The following TICRR variants were observed in gnomAD, a reference collection of about 807,000 sequenced individuals.
TICRR encodes TOPBP1 interacting checkpoint and replication regulator.
A neutral mutation model predicts 178.1 loss-of-function variants in TICRR; 132 were observed. That is an observed-to-expected ratio of 0.74 (90% CI 0.64 to 0.86). TICRR has a LOEUF of 0.86. TICRR is among the 40% of genes least tolerant of loss of function. The pLI is 0.00. For synonymous variants in TICRR, 991 were observed against 900.7 expected (o/e 1.10, Z -1.79); for missense variants, 2,587 against 2,334.3 (o/e 1.11, Z -2.23).
intron 5 of TICRR, among the ~76,000 whole-genome samples, chr15:89,593,354 T>C (rs146363223): frequency 1.1e-4 from 16 of 152,338 alleles, no homozygotes; most frequent in Middle Eastern, 3.4e-3. Flanking sequence ...AAATTATCTC[T>C]AAGTATTTTT....
At chr15:89,619,521 T>G (rs1412559184) in intron 17 of TICRR, among the ~76,000 whole-genome samples, 187 bp from the exon 18 acceptor site, 1 of 152,158 alleles carries the variant, frequency 6.6e-6, no homozygotes, top group African/African-American at 2.4e-5. Flanking sequence ...TAATACCTTG[T>G]TGGGACCATG....
rs376701361 is a variant in TICRR, at chr15:89,593,638, G to A, written c.1542-777G>A. 2.8e-4 allele frequency among the ~76,000 whole-genome samples: 42 copies of A among 152,282 alleles called. No individual in the cohort carries two copies. In the East Asian group the frequency reaches 7.1e-3, roughly 26 times the overall value. On this transcript the variant is annotated intron_variant, in intron 5 of 21. Transcript: ENST00000268138. ...CAAGATTCACTTGAATCCAGGACGC[G>A]GAGGTTGCAGCCAGCCAAGATCGCG...
Position 89,575,728 on chromosome 15 carries a change from A to C in TICRR, c.142A>C (p.Lys48Gln). 1 of 1,610,090 alleles carries C rather than the reference A, an allele frequency of 6.2e-7. No individual in the cohort carries two copies. ...CCTGGCCAGGGTCCACTGGGCCTTC[A>C]AGTTCTTTGACTCGCAGGGGGCGCG... ...FGLARVHWAF[K>Q]FFDSQGARSR... Residue 48 changes from lysine to glutamine, a missense_variant, in exon 1 of 22, where the codon AAG becomes CAG. Coordinates refer to ENST00000268138, the MANE Select transcript of TICRR (RefSeq NM_152259.4).
intron 4 of TICRR, among the ~76,000 whole-genome samples, chr15:89,589,450 T>C (rs942428887): frequency 1.3e-5 from 2 of 152,104 alleles, no homozygotes; most frequent in Non-Finnish European, 2.9e-5. Context: ...GAGGGTGGCC[T>C]TGTTTTTAGC....
intron 15 of TICRR, among the ~76,000 whole-genome samples, chr15:89,610,556 A>G (rs1963241362): frequency 6.6e-6 from 1 of 152,108 alleles, no homozygotes. Flanking sequence ...GATATCTTTC[A>G]TTGTCCTTTT....
At chr15:89,582,078 C>T (rs1596038770) in intron 1 of TICRR, 2 of 152,702 alleles carry the variant, frequency 1.3e-5, no homozygotes, top group East Asian at 3.8e-4. Context: ...AGTCCTAGAA[C>T]TTTGGGAGGC....
At chr15:89,578,353 C>T (rs1459735943) in intron 1 of TICRR, among the ~76,000 whole-genome samples, 1 of 151,936 alleles carries the variant, frequency 6.6e-6, no homozygotes, top group African/African-American at 2.4e-5. Context: ...CCAAAAAAGG[C>T]GTGGCAAATG....
intron 8 of TICRR, among the ~76,000 whole-genome samples, chr15:89,599,935 G>A (rs1041187056): frequency 1.3e-5 from 2 of 152,068 alleles, no homozygotes; most frequent in African/African-American, 2.4e-5. Flanking sequence ...GTGAAACCCC[G>A]TCTCTACTAA....
At chr15:89,620,214 T>G (rs1400557743) in intron 18 of TICRR, among the ~76,000 whole-genome samples, 1 of 152,200 alleles carries the variant, frequency 6.6e-6, no homozygotes, top group Non-Finnish European at 1.5e-5. Context: ...TGTTTCTTAT[T>G]TTATCTTTTT....
chr15:89,618,546 T>C (rs1963373299), intron 17 of TICRR, among the ~76,000 whole-genome samples: 1 of 152,222 alleles, frequency 6.6e-6, no homozygotes, highest in South Asian at 2.1e-4. Context: ...AGGGAAATTT[T>C]TTATTGGGGA....
intron 2 of TICRR, 67 bp from the exon 3 acceptor site, chr15:89,584,219 A>T: frequency 7.0e-7 from 1 of 1,429,344 alleles, no homozygotes; most frequent in Non-Finnish European, 9.4e-7. Flanking sequence ...TATTCCTTAT[A>T]TTGGAATTTT....
rs748189956 is a variant in TICRR, at chr15:89,575,575, G to A, written c.-12G>A. 2 of 1,454,766 alleles carry A rather than the reference G, an allele frequency of 1.4e-6. No homozygotes were observed. The highest frequency in any genetic ancestry group is 1.5e-5 in the South Asian group (1 of 68,908). The allele number at this position is 1,454,766 out of a possible 1,614,324, so 90.1% of individuals were successfully genotyped here. On this transcript the variant is annotated 5_prime_UTR_variant, in exon 1 of 22. Transcript: ENST00000268138. ...GCCCGGACCGGGGCCCCGGGGCGGC[G>A]GCACGGCCGATATGGCATGCTGTCA... is the stretch of plus-strand genomic sequence containing the variant.
At position 89,625,104 on chromosome 15, in the gene TICRR, A is replaced by G; in HGVS notation, c.4794A>G (p.Glu1598=). The change falls in exon 20 of 22, where the codon GAA becomes GAG. Residue 1598 remains glutamate (E), a synonymous_variant. Transcript: ENST00000268138. ...GCAAGGAGGAGAGCTCTCTGGGAGA[A>G]GAGAGCTTCCTCCCTGCTCTCAGCA... The part of the protein sequence containing the change: ...PLSKEESSLG[E]ESFLPALSMP... The G allele has an allele frequency of 6.2e-7, 1 of 1,613,930 alleles. No homozygotes were observed. The highest frequency in any genetic ancestry group is 8.5e-7 in the Non-Finnish European group (1 of 1,179,996).
chr15:89,615,858 GCTT>G (rs1160745512), intron 15 of TICRR, among the ~76,000 whole-genome samples: 2 of 151,510 alleles, frequency 1.3e-5, no homozygotes, highest in Admixed American at 6.6e-5. Flanking sequence ...TTTCAGGATT[GCTT>G]ATTAGATAAA....
intron 13 of TICRR, among the ~76,000 whole-genome samples, chr15:89,606,179 CATAT>C (rs1567047122): frequency 6.6e-6 from 1 of 152,144 alleles, no homozygotes; most frequent in East Asian, 1.9e-4. Context: ...CCGTTATATA[CATAT>C]ATATAAATGA....
rs1963470410 is a variant in TICRR, at chr15:89,624,124, C to T, written c.3814C>T (p.Leu1272Phe). ...QNQTHQQPHVLRAARAEEPAQ... is the reference protein window; with the variant it reads ...QNQTHQQPHVFRAARAEEPAQ... ...TCAAACACACCAACAGCCCCATGTC[C>T]TCAGAGCTGCTCGGGCAGAGGAACC... The change falls in exon 20 of 22, where the codon CTC becomes TTC. Residue 1272 changes from leucine to phenylalanine, a missense_variant. Coordinates refer to ENST00000268138, the MANE Select transcript of TICRR (RefSeq NM_152259.4). The T allele has an allele frequency of 3.1e-6, 5 of 1,613,888 alleles. No individual in the cohort carries two copies. The Admixed American group carries it at 6.7e-5, about 22-fold the overall frequency.
intron 4 of TICRR, among the ~76,000 whole-genome samples, chr15:89,589,960 A>C (rs1354260912): frequency 1.3e-5 from 2 of 152,148 alleles, no homozygotes; most frequent in Non-Finnish European, 2.9e-5. Context: ...CAACAAAAAA[A>C]AGTGCAATCC....
rs775299966 is a variant in TICRR, at chr15:89,624,430, C to G, written c.4120C>G (p.Pro1374Ala). 5.6e-6 allele frequency: 9 copies of G among 1,614,152 alleles called. No individual in the cohort carries two copies. The African/African-American group carries it at 1.1e-4, about 19-fold the overall frequency. ...ACAGAGAGCTACATTGGACACCGTCCCTCCTCCACCCCCTTCTAAAGTTGG... is the reference window on the plus strand; with the variant it reads ...ACAGAGAGCTACATTGGACACCGTCGCTCCTCCACCCCCTTCTAAAGTTGG... ...LSQRATLDTV[P>A]PPPPSKVGKR... The change falls in exon 20 of 22, where the codon CCT (proline) becomes GCT (alanine). Residue 1374 changes from proline (P) to alanine (A), a missense_variant. Pro to Ala is a conservative substitution (Grantham distance 27). Coordinates refer to ENST00000268138, the MANE Select transcript of TICRR (RefSeq NM_152259.4).
At chr15:89,604,278 G>A (rs960882228) in intron 13 of TICRR, among the ~76,000 whole-genome samples, 1 of 152,164 alleles carries the variant, frequency 6.6e-6, no homozygotes, top group Non-Finnish European at 1.5e-5. Context: ...ATGGTTAATG[G>A]TGTTCACTTT....
Sources: gnomAD v4.1 joint callset for allele counts (sites outside exome capture counted in the v4.1 genomes callset) on GRCh38, gnomAD v4.1.1 for gene constraint, MANE v1.5 for transcripts, NCBI Gene and HGNC (gene_info 2026-07-23, HGNC 2026-07-21) for gene names.